TENM2: variants seen among roughly 807,000 people sequenced by gnomAD.
TENM2 encodes the protein teneurin transmembrane protein 2.
A neutral mutation model predicts 245.2 loss-of-function variants in TENM2; 52 were observed. That is an observed-to-expected ratio of 0.21 (90% CI 0.17 to 0.27). TENM2 has a LOEUF of 0.27. TENM2 is among the 10% of genes least tolerant of loss of function. The pLI is 1.00. For missense variants in TENM2, 3,046 were observed against 3,666.8 expected (o/e 0.83, Z 4.37); for synonymous variants, 1,363 against 1,438.9 (o/e 0.95, Z 1.19).
intron 2 of TENM2, among the ~76,000 whole-genome samples, chr5:167,427,971 GAGAA>G (rs1335009812): frequency 6.6e-6 from 1 of 152,136 alleles, no homozygotes; most frequent in Non-Finnish European, 1.5e-5. Flanking sequence ...GAAAGAAAAA[GAGAA>G]AGAAGCCAAC....
chr5:167,942,466 T>C (rs911802426), intron 3 of TENM2, among the ~76,000 whole-genome samples: 30 of 152,138 alleles, frequency 2.0e-4, no homozygotes, highest in Non-Finnish European at 4.4e-4. Flanking sequence ...TTTTCAAGAC[T>C]GAAAAGGCCC....
chr5:167,865,039 T>A (rs1772182466), intron 2 of TENM2, among the ~76,000 whole-genome samples: 1 of 152,156 alleles, frequency 6.6e-6, no homozygotes, highest in African/African-American at 2.4e-5. Context: ...CTCTAGCAGT[T>A]TTCCCCCCAA....
chr5:167,176,887 T>TA, the TENM2 span, among the ~76,000 whole-genome samples: 89 of 152,272 alleles, frequency 5.8e-4, no homozygotes, highest in African/African-American at 2.1e-3. Flanking sequence ...AGAACGTGGA[T>TA]GGGGATACAT....
chr5:167,349,861 G>A (rs1311098081), intron 1 of TENM2, among the ~76,000 whole-genome samples: 1 of 152,012 alleles, frequency 6.6e-6, no homozygotes, highest in Non-Finnish European at 1.5e-5. Flanking sequence ...AAAAATTGCT[G>A]TATTGAAAGA....
rs79607148 is a variant in TENM2, at chr5:168,212,986, A to G, written c.3845+1232A>G. ...TCAAATCAGGCTCCCTAGAAAGTCCAAAATTAATTATCTCTCTCATAGGTA... is the reference window on the plus strand; with the variant it reads ...TCAAATCAGGCTCCCTAGAAAGTCCGAAATTAATTATCTCTCTCATAGGTA... On this transcript the variant is annotated intron_variant, in intron 20 of 28. Transcript: ENST00000518659. Among the ~76,000 whole-genome samples, 711 of 152,344 alleles carry G rather than the reference A, an allele frequency of 4.7e-3. 3 individuals carry two copies. Among genetic ancestry groups the G allele is most frequent in the African/African-American group, 0.016 (675 of 41,574 alleles).
intron 5 of TENM2, among the ~76,000 whole-genome samples, chr5:168,028,189 C>T (rs910210827): frequency 3.3e-5 from 5 of 152,188 alleles, no homozygotes; most frequent in African/African-American, 1.2e-4. Flanking sequence ...CCGCCTCTCT[C>T]AATATCACAT....
intron 2 of TENM2, among the ~76,000 whole-genome samples, chr5:167,396,744 A>G (rs1168066135): frequency 6.6e-6 from 1 of 152,184 alleles, no homozygotes; most frequent in Non-Finnish European, 1.5e-5. Flanking sequence ...GAGCGAGACC[A>G]TGAAATGAGC....
At position 167,477,482 on chromosome 5, in the gene TENM2, G is replaced by A. The variant is rs557641243; in HGVS notation, c.502+102009G>A. Among the ~76,000 whole-genome samples the A allele has an allele frequency of 2.0e-5, 3 of 152,154 alleles. No individual in the cohort carries two copies. In the South Asian group the frequency reaches 6.2e-4, roughly 32 times the overall value. On this transcript the variant is annotated intron_variant, in intron 2 of 28. Coordinates refer to ENST00000518659, the Ensembl canonical transcript of TENM2. ...TATGCTTGAGGAACCATTAACAGAGGAAATTGAATAAATAGTATTTGTATG... is the reference window on the plus strand; with the variant it reads ...TATGCTTGAGGAACCATTAACAGAGAAAATTGAATAAATAGTATTTGTATG...
chr5:168,077,838 T>G (rs1435574836), intron 7 of TENM2, among the ~76,000 whole-genome samples: 1 of 152,224 alleles, frequency 6.6e-6, no homozygotes, highest in Non-Finnish European at 1.5e-5. Context: ...TGATGGACAT[T>G]TGGCTTGGTT....
chr5:168,086,562 C>T (rs775017545), intron 7 of TENM2, among the ~76,000 whole-genome samples: 33 of 152,226 alleles, frequency 2.2e-4, no homozygotes, highest in African/African-American at 2.9e-4. Context: ...GAGACACAAG[C>T]GGCTTTGGGA....
At chr5:168,126,728 A>G in intron 11 of TENM2, 26 bp from the exon 14 acceptor site, 1 of 1,579,048 alleles carries the variant, frequency 6.3e-7, no homozygotes, top group Non-Finnish European at 8.6e-7. Context: ...TGTGGTGTTG[A>G]GCTGTAATCA....
chr5:167,780,197 T>G (rs542497863), intron 2 of TENM2, among the ~76,000 whole-genome samples: 2 of 152,340 alleles, frequency 1.3e-5, no homozygotes, highest in South Asian at 4.1e-4. Context: ...TATTTGATCC[T>G]AGCATGTCTT....
chr5:167,967,848 T>C (rs1421048823), intron 4 of TENM2, among the ~76,000 whole-genome samples: 2 of 152,228 alleles, frequency 1.3e-5, no homozygotes, highest in Non-Finnish European at 2.9e-5. Context: ...GTCATTCCCT[T>C]GAGGCACTTC....
At chr5:167,436,959 C>A (rs192503175) in intron 2 of TENM2, among the ~76,000 whole-genome samples, 12 of 152,174 alleles carry the variant, frequency 7.9e-5, no homozygotes, top group African/African-American at 2.9e-4. Flanking sequence ...CGAGCCCTCA[C>A]GGAGAACCTC....
At chr5:167,992,228 C>T (rs1783719343) in intron 4 of TENM2, among the ~76,000 whole-genome samples, 1 of 151,660 alleles carries the variant, frequency 6.6e-6, no homozygotes, top group Non-Finnish European at 1.5e-5. Context: ...AGAACTTGTT[C>T]ATGTAATCAG....
chr5:168,146,660 G>A (rs1038230178), intron 12 of TENM2, among the ~76,000 whole-genome samples: 2 of 152,206 alleles, frequency 1.3e-5, no homozygotes, highest in Non-Finnish European at 2.9e-5. Context: ...CCATTGCTAA[G>A]TTCTCAGCAT....
chr5:167,842,605 A>T (rs1012773034), intron 2 of TENM2, among the ~76,000 whole-genome samples: 1 of 140,988 alleles, frequency 7.1e-6, no homozygotes, highest in Admixed American at 6.8e-5. Context: ...AAAAAAAAAA[A>T]AAAAGAACCC....
At chr5:167,885,645 A>G (rs527405379) in intron 3 of TENM2, among the ~76,000 whole-genome samples, 33 of 152,266 alleles carry the variant, frequency 2.2e-4, no homozygotes, top group African/African-American at 6.5e-4. Context: ...ACAAAAATAC[A>G]AAACACCCTT....
chr5:167,885,714 C>T (rs555920137), intron 3 of TENM2, among the ~76,000 whole-genome samples: 4 of 152,274 alleles, frequency 2.6e-5, no homozygotes, highest in Admixed American at 6.5e-5. Context: ...GATGGAGTCT[C>T]GCTCTGTTGG....
Sources: gnomAD v4.1 joint callset for allele counts (sites outside exome capture counted in the v4.1 genomes callset) on GRCh38, gnomAD v4.1.1 for gene constraint, MANE v1.5 for transcripts, NCBI Gene and HGNC (gene_info 2026-07-23, HGNC 2026-07-21) for gene names.